ZNF536: variants seen among roughly 807,000 people sequenced by gnomAD.
ZNF536 encodes the protein zinc finger protein 536.
A neutral mutation model predicts 84.5 loss-of-function variants in ZNF536; 13 were observed. The observed-to-expected ratio is 0.15, with a 90% CI of 0.10 to 0.24. The LOEUF is 0.24. Ranked by LOEUF, ZNF536 falls within the 10% of genes least tolerant of loss-of-function variation. The pLI is 1.00. For missense variants in ZNF536, 1,536 were observed against 1,747.5 expected (o/e 0.88, Z 2.16); for synonymous variants, 811 against 742.5 (o/e 1.09, Z -1.50).
rs886392391 is a variant in ZNF536 at position 30,672,731 on chromosome 19, C to A, written c.170-38026C>A. Among the ~76,000 whole-genome samples the A allele has an allele frequency of 2.0e-5, 3 of 152,084 alleles. No individual in the cohort carries two copies. The East Asian group carries it at 5.8e-4, about 29-fold the overall frequency. On this transcript the variant is annotated intron_variant, in intron 1 of 1. Transcript: ENST00000592773. ...TGCTTGGAATCTTCCAGAATCATACCCTAAGATAAGGATTTAGGCACAGGC... is the reference window on the plus strand; with the variant it reads ...TGCTTGGAATCTTCCAGAATCATACACTAAGATAAGGATTTAGGCACAGGC...
chr19:30,659,339 C>T (rs1336522324), intron 1 of ZNF536, among the ~76,000 whole-genome samples: 3 of 151,910 alleles, frequency 2.0e-5, no homozygotes, highest in Non-Finnish European at 4.4e-5. Context: ...ATTTAAACAA[C>T]CAGATCTCGT....
At chr19:30,584,953 T>C (rs1449850815) in intron 1 of ZNF536, among the ~76,000 whole-genome samples, 1 of 151,896 alleles carries the variant, frequency 6.6e-6, no homozygotes, top group Non-Finnish European at 1.5e-5. Flanking sequence ...AAAAATTAGC[T>C]GGGCATGTTG....
intron 2 of ZNF536, among the ~76,000 whole-genome samples, chr19:30,299,418 G>A (rs1474448388): frequency 5.3e-5 from 8 of 152,156 alleles, no homozygotes; most frequent in Admixed American, 3.3e-4. Flanking sequence ...TGCAATGAAT[G>A]TGTTTTTTAA....
At chr19:30,455,381 C>T (rs995818291) in intron 2 of ZNF536, among the ~76,000 whole-genome samples, 2 of 152,042 alleles carry the variant, frequency 1.3e-5, no homozygotes, top group Non-Finnish European at 2.9e-5. Context: ...AAGATCGAAT[C>T]AGGGTAATTG....
chr19:30,315,563 G>A (rs758069834), intron 2 of ZNF536, among the ~76,000 whole-genome samples: 27 of 152,224 alleles, frequency 1.8e-4, no homozygotes, highest in Admixed American at 1.0e-3. Flanking sequence ...ACTGGAGGAG[G>A]AGGGGCAGCC....
upstream of ZNF536, among the ~76,000 whole-genome samples, chr19:30,369,321 T>C (rs938772954): frequency 8.0e-4 from 121 of 152,200 alleles, 6 homozygotes; most frequent in Non-Finnish European, 1.0e-4. Flanking sequence ...ATGTATTTGG[T>C]TTGATGATAC....
At position 30,441,344 on chromosome 19, in the gene ZNF536, C is replaced by T. The variant is rs557887562; in HGVS notation, c.-2-2217C>T. ...GATCCCTGTTGGCTCAGAAGAGGAG[C>T]CAGTGCAGCTGTATGGGGCTTGAAG... On this transcript the variant is annotated intron_variant, in intron 1 of 4. Transcript: ENST00000355537. Among the ~76,000 whole-genome samples the T allele has an allele frequency of 2.8e-4, 42 of 152,332 alleles. 1 individual carries two copies. The highest frequency in any genetic ancestry group is 9.9e-4 in the African/African-American group (41 of 41,588).
At chr19:30,435,176 ATGC>A (rs1369201635) in intron 1 of ZNF536, among the ~76,000 whole-genome samples, 2 of 149,024 alleles carry the variant, frequency 1.3e-5, no homozygotes, top group African/African-American at 5.0e-5. Flanking sequence ...GATGCTGATG[ATGC>A]TGCTGCTGAT....
rs56191954 is a variant in ZNF536, at chr19:30,241,487, G to A, written c.-190+12814G>A. Reference sequence around the variant, plus strand: ...AAGCCTCACTGAGAAGCTGGCATCTGCGCCTGGACTTGGCGGTGGATACCA... The same window carrying A: ...AAGCCTCACTGAGAAGCTGGCATCTACGCCTGGACTTGGCGGTGGATACCA... On this transcript the variant is annotated intron_variant, in intron 1 of 5. Coordinates refer to the ZNF536 transcript ENST00000585628. 4.2e-3 allele frequency among the ~76,000 whole-genome samples: 637 copies of A among 152,336 alleles called. 4 individuals carry two copies. The highest frequency in any genetic ancestry group is 0.015 in the African/African-American group (610 of 41,580).
chr19:30,377,481 G>A (rs2048861988), intron 1 of ZNF536, among the ~76,000 whole-genome samples: 2 of 152,134 alleles, frequency 1.3e-5, no homozygotes, highest in Admixed American at 1.3e-4. Context: ...CAAAGCAAAA[G>A]CAAGTTTATT....
intron 1 of ZNF536, among the ~76,000 whole-genome samples, chr19:30,438,186 C>T (rs996538679): frequency 3.9e-5 from 6 of 152,016 alleles, no homozygotes; most frequent in Non-Finnish European, 7.4e-5. Context: ...TTATAGTGCA[C>T]CCATCAACCA....
At chr19:30,304,870 C>A (rs985234152) in intron 2 of ZNF536, among the ~76,000 whole-genome samples, 1 of 152,196 alleles carries the variant, frequency 6.6e-6, no homozygotes, top group Admixed American at 6.5e-5. Context: ...CATGATTGGG[C>A]TGGAGAGAAG....
intron 1 of ZNF536, among the ~76,000 whole-genome samples, chr19:30,242,372 C>T (rs543496476): frequency 1.8e-3 from 277 of 152,252 alleles, no homozygotes; most frequent in South Asian, 4.6e-3. Flanking sequence ...CTACCCCCAG[C>T]TTTAGGGGGT....
intron 1 of ZNF536, among the ~76,000 whole-genome samples, chr19:30,251,568 T>C (rs2024612941): frequency 6.6e-6 from 1 of 152,204 alleles, no homozygotes; most frequent in Admixed American, 6.5e-5. Flanking sequence ...ATATAGTAAA[T>C]TCGTCTACTT....
At chr19:30,655,140 G>T (rs1368821362) in intron 1 of ZNF536, among the ~76,000 whole-genome samples, 1 of 152,180 alleles carries the variant, frequency 6.6e-6, no homozygotes, top group Non-Finnish European at 1.5e-5. Flanking sequence ...GCATTTGGCT[G>T]CTGGTTAAAT....
chr19:30,569,200 T>A lies in ZNF536; in HGVS notation c.169+19686T>A, dbSNP rs73924777. On this transcript the variant is annotated intron_variant, in intron 1 of 1. Coordinates refer to the ZNF536 transcript ENST00000592773. ...TGAGTAGAGATGAATTTTGTTCAAC[T>A]TTTTTTTTGTGTTGAGGTATATATC... 9.4e-3 allele frequency among the ~76,000 whole-genome samples: 1,428 copies of A among 151,594 alleles called. 23 individuals are homozygous for A. The highest frequency in any genetic ancestry group is 0.033 in the African/African-American group (1,375 of 41,322).
At chr19:30,448,694 G>T (rs2052464600) in intron 2 of ZNF536, among the ~76,000 whole-genome samples, 1 of 152,170 alleles carries the variant, frequency 6.6e-6, no homozygotes, top group Admixed American at 6.5e-5. Context: ...CATGATAGTA[G>T]TTCTGAATTC....
At chr19:30,614,100 T>A (rs892816258) in intron 1 of ZNF536, among the ~76,000 whole-genome samples, 4 of 152,210 alleles carry the variant, frequency 2.6e-5, no homozygotes, top group African/African-American at 9.6e-5. Context: ...TGACCTCCAG[T>A]AATCTGCCCG....
chr19:30,270,044 A>G (rs1390925591), intron 1 of ZNF536, among the ~76,000 whole-genome samples: 2 of 152,152 alleles, frequency 1.3e-5, no homozygotes, highest in Admixed American at 6.5e-5. Flanking sequence ...AAAAATACCT[A>G]CTTCTAAGGC....
Sources: gnomAD v4.1 joint callset for allele counts (sites outside exome capture counted in the v4.1 genomes callset) on GRCh38, gnomAD v4.1.1 for gene constraint, MANE v1.5 for transcripts, NCBI Gene and HGNC (gene_info 2026-07-23, HGNC 2026-07-21) for gene names.